NUP50: variants seen among roughly 807,000 people sequenced by gnomAD.
The protein encoded by NUP50 is nucleoporin 50.
In NUP50, 14 loss-of-function variants were observed where a neutral mutation model predicts 36.8. The observed-to-expected ratio is 0.38, with a 90% confidence interval of 0.25 to 0.59. NUP50 has a LOEUF of 0.59. Among genes scored for constraint, NUP50 ranks in the 20% least tolerant of loss-of-function variants. The probability of loss-of-function intolerance (pLI) is 0.63; values close to 1 mark genes in which losing one functional copy is unlikely to be tolerated. For synonymous variants in NUP50, 195 were observed against 210.8 expected, an observed-to-expected ratio of 0.93 and a Z score of 0.65; for missense variants, 455 against 564.6, an observed-to-expected ratio of 0.81 and a Z score of 1.97.
intron 2 of NUP50, chr22:45,171,077 C>T (rs1395181736): frequency 1.4e-5 from 18 of 1,300,168 alleles, no homozygotes; most frequent in Non-Finnish European, 1.7e-5. Flanking sequence ...GTGCTTTGAG[C>T]GCACTGTGGA....
intron 5 of NUP50, among the ~76,000 whole-genome samples, chr22:45,180,748 G>A (rs183579593): frequency 4.5e-4 from 68 of 152,116 alleles, no homozygotes; most frequent in African/African-American, 1.6e-3. Flanking sequence ...GATACCTTTG[G>A]TACCAGAGCA....
intron 4 of NUP50, 129 bp from the exon 5 acceptor site, chr22:45,178,109 G>A: frequency 1.2e-6 from 1 of 833,488 alleles, no homozygotes; most frequent in Admixed American, 2.7e-5. Flanking sequence ...CTGGGTGACA[G>A]AGCAAGACTG....
At chr22:45,175,722 A>C in intron 3 of NUP50, 172 bp from the exon 4 acceptor site, 1 of 567,790 alleles carries the variant, frequency 1.8e-6, no homozygotes, top group Non-Finnish European at 3.1e-6. Context: ...GTTCTTATGA[A>C]TACAATCTTC....
chr22:45,187,094 C>G lies in NUP50; in HGVS notation c.*2439C>G. ...CTATGAAGTGTATCATATACGTGGC[C>G]TAAAGCAAGGTGTGTATTTTGTTAT... On this transcript the variant is annotated 3_prime_UTR_variant, in exon 8 of 8. Coordinates refer to ENST00000347635, the MANE Select transcript of NUP50 (RefSeq NM_007172.4). 1 of 151,396 alleles carries G rather than the reference C, an allele frequency of 6.6e-6. No homozygotes were observed. Among genetic ancestry groups the G allele is most frequent in the Non-Finnish European group, 1.5e-5 (1 of 67,960 alleles). The allele number at this position is 151,396 out of a possible 1,614,324, so 9.4% of individuals were successfully genotyped here. A position where few individuals can be genotyped will look rare whatever the true frequency, so the allele number is the denominator to read the frequency against.
chr22:45,174,765 A>T (rs183968007), intron 3 of NUP50, among the ~76,000 whole-genome samples: 7 of 152,322 alleles, frequency 4.6e-5, no homozygotes, highest in Admixed American at 4.6e-4. Context: ...ACAGAATCTA[A>T]GCTCTGTTTA....
At chr22:45,183,715 A>G (rs968928664) in intron 7 of NUP50, 195 bp downstream of exon 7, 1 of 511,894 alleles carries the variant, frequency 2.0e-6, no homozygotes, top group Non-Finnish European at 3.5e-6. Flanking sequence ...TAGAAGCTGT[A>G]AACAAAATGA....
intron 1 of NUP50, chr22:45,164,540 C>T (rs1011120870): frequency 2.7e-5 from 4 of 149,974 alleles, no homozygotes; most frequent in African/African-American, 9.9e-5. Context: ...GGACGGGACC[C>T]TGGGAAGTGG....
chr22:45,184,879 A>G lies in NUP50; in HGVS notation c.*224A>G. On this transcript the variant is annotated 3_prime_UTR_variant, in exon 8 of 8. Coordinates refer to ENST00000347635, the MANE Select transcript of NUP50 (RefSeq NM_007172.4). Reference sequence around the variant, plus strand: ...TGCCTAAAGTGTAAAATACATTTGAATGCAATTTTTGGAAGATTTTTTAAT... The same window carrying G: ...TGCCTAAAGTGTAAAATACATTTGAGTGCAATTTTTGGAAGATTTTTTAAT... The G allele has an allele frequency of 1.8e-6, 1 of 568,280 alleles. No homozygotes were observed. Among genetic ancestry groups the G allele is most frequent in the Non-Finnish European group, 3.2e-6 (1 of 315,136 alleles). The allele number at this position is 568,280 out of a possible 1,614,324, so 35.2% of individuals were successfully genotyped here. A position where few individuals can be genotyped will look rare whatever the true frequency, so the allele number is the denominator to read the frequency against.
intron 6 of NUP50, among the ~76,000 whole-genome samples, chr22:45,182,450 C>T (rs1451258561): frequency 6.6e-6 from 1 of 151,778 alleles, no homozygotes; most frequent in Non-Finnish European, 1.5e-5. Flanking sequence ...AAAAGAAATA[C>T]ATAAATCAAT....
chr22:45,183,072 CAGGGGTTGGGGGCGGGGGGGGGG>C (rs983466886), intron 6 of NUP50, among the ~76,000 whole-genome samples: 25 of 101,570 alleles, frequency 2.5e-4, no homozygotes, highest in Non-Finnish European at 4.1e-4. Context: ...AGCAGAATGG[CAGGGGTTGGGGGCGGGGGGGGGG>C]GGGGGTTGGT....
intron 4 of NUP50, among the ~76,000 whole-genome samples, chr22:45,176,900 C>T (rs1337454185): frequency 6.6e-6 from 1 of 152,100 alleles, no homozygotes; most frequent in East Asian, 1.9e-4. Context: ...CACCACCATG[C>T]CCAGCTAATT....
intron 1 of NUP50, among the ~76,000 whole-genome samples, 172 bp from the exon 2 acceptor site, chr22:45,167,996 C>G (rs940496880): frequency 6.6e-6 from 1 of 152,094 alleles, no homozygotes; most frequent in Non-Finnish European, 1.5e-5. Flanking sequence ...ACACTGGGAG[C>G]CTAACAGCAC....
At chr22:45,169,835 T>C (rs1236119163) in intron 2 of NUP50, among the ~76,000 whole-genome samples, 3 of 152,268 alleles carry the variant, frequency 2.0e-5, no homozygotes, top group South Asian at 4.1e-4. Flanking sequence ...TCCACCACCT[T>C]CTTGTGGGAG....
rs1372296912 is a variant in NUP50 at position 45,178,583 on chromosome 22, A to G, written c.686A>G (p.Lys229Arg). Residue 229 changes from lysine (K) to arginine (R), a missense_variant, in exon 5 of 8, where the codon AAA (lysine) becomes AGA (arginine). Transcript: ENST00000347635. ...TCTCCTTCCCTTTTTGGCTCAACAA[A>G]ATTACAGCAAGAGTCAACGTTTTTG... The part of the protein sequence containing the change: ...TQSPSLFGST[K>R]LQQESTFLFH... 29 of 1,611,920 alleles carry G rather than the reference A, an allele frequency of 1.8e-5. No individual in the cohort carries two copies. The highest frequency in any genetic ancestry group is 2.4e-5 in the Non-Finnish European group (28 of 1,179,864).
At chr22:45,167,345 CTTTG>C (rs980204433) in intron 1 of NUP50, among the ~76,000 whole-genome samples, 5 of 152,144 alleles carry the variant, frequency 3.3e-5, no homozygotes, top group Non-Finnish European at 7.4e-5. Flanking sequence ...TGTGGGTTTT[CTTTG>C]TTTTGTTGTT....
chr22:45,170,165 C>T (rs1165734237), intron 2 of NUP50, among the ~76,000 whole-genome samples: 1 of 152,084 alleles, frequency 6.6e-6, no homozygotes, highest in East Asian at 1.9e-4. Context: ...ACTCATCCTC[C>T]TCACCCTGCT....
At chr22:45,170,963 G>T (rs1311183849) in intron 2 of NUP50, 36 of 1,302,678 alleles carry the variant, frequency 2.8e-5, no homozygotes, top group Non-Finnish European at 3.6e-5. Context: ...TTTTGCATGA[G>T]AAATATTTTA....
rs150983434 is a variant in NUP50 at position 45,183,756 on chromosome 22, A to G, written c.1204+236A>G. Reference sequence around the variant, plus strand: ...CATTTTCCTTTGTGTTAGAAATGTGACTAAGAAGCTAGAGATTAGACCATT... The same window carrying G: ...CATTTTCCTTTGTGTTAGAAATGTGGCTAAGAAGCTAGAGATTAGACCATT... On this transcript the variant is annotated intron_variant, in intron 7 of 7. Transcript: ENST00000347635. 1.7e-3 allele frequency: 754 copies of G among 454,160 alleles called. 3 individuals are homozygous for G. The highest frequency in any genetic ancestry group is 9.9e-3 in the African/African-American group (505 of 50,820). The allele number at this position is 454,160 out of a possible 1,614,324, so 28.1% of individuals were successfully genotyped here. A position where few individuals can be genotyped will look rare whatever the true frequency, so the allele number is the denominator to read the frequency against.
At chr22:45,177,536 T>C (rs2074295274) in intron 4 of NUP50, among the ~76,000 whole-genome samples, 1 of 152,136 alleles carries the variant, frequency 6.6e-6, no homozygotes, top group South Asian at 2.1e-4. Context: ...GACTGTACTT[T>C]AATACTGTTC....
Sources: allele counts gnomAD v4.1 joint callset (sites outside exome capture counted in the v4.1 genomes callset), GRCh38; gene constraint gnomAD v4.1.1; transcripts MANE v1.5; gene names NCBI Gene and HGNC (gene_info 2026-07-23, HGNC 2026-07-21).